TTC28: variants seen among roughly 807,000 people sequenced by gnomAD.
The protein encoded by TTC28 is tetratricopeptide repeat domain 28.
A neutral mutation model predicts 198.0 loss-of-function variants in TTC28; 61 were observed. That is an observed-to-expected ratio of 0.31 (90% CI 0.25 to 0.38). The LOEUF is 0.38. Ranked by LOEUF, TTC28 falls within the 10% of genes least tolerant of loss-of-function variation. The pLI is 1.00. For synonymous variants in TTC28, 1,171 were observed against 1,297.8 expected (o/e 0.90, Z 2.10); for missense variants, 2,678 against 3,164.0 (o/e 0.85, Z 3.69).
chr22:28,567,471 C>CATATATATATATATATATAT (rs1309929878), intron 2 of TTC28, among the ~76,000 whole-genome samples: 2 of 27,102 alleles, frequency 7.4e-5, no homozygotes, highest in African/African-American at 1.0e-4. Context: ...CACGCATATA[C>CATATATATATATATATATAT]ATACATACAT....
In TTC28 at chr22:27,982,818, C is replaced by T; in HGVS notation, c.6849G>A (p.Gln2283=). 2 of 1,540,840 alleles carry T rather than the reference C, an allele frequency of 1.3e-6. No individual in the cohort carries two copies. The highest frequency in any genetic ancestry group is 1.2e-5 in the South Asian group (1 of 82,712). Residue 2283 remains glutamine, a synonymous_variant, in exon 23 of 23, where the codon CAG becomes CAA. Coordinates refer to ENST00000397906, the MANE Select transcript of TTC28 (RefSeq NM_001145418.2). The surrounding 1 kb of genome is among the most constrained non-coding windows in gnomAD (Gnocchi z 5.2). ...GCDSQTSQLD[Q]PLFKLKYPSS... The stretch of plus-strand genomic sequence containing the variant: ...TGGGGTACTTCAGTTTAAAGAGAGG[C>T]TGGTCCAGCTGGGAAGTCTGTGAGT...
At position 28,032,267 on chromosome 22, in the gene TTC28, A is replaced by T. The variant is rs867757468; in HGVS notation, c.3933-1901T>A. 4.6e-4 allele frequency among the ~76,000 whole-genome samples: 36 copies of T among 78,706 alleles called. 1 individual carries two copies. Among genetic ancestry groups the T allele is most frequent in the African/African-American group, 1.8e-3 (28 of 15,824 alleles). The allele number at this position is 78,706 out of a possible 152,430, so 51.6% of individuals were successfully genotyped here. ...ATATATAAAATATATATATATATAT[A>T]GTGTGTGTGTGTGTGTGTGTGTGTG... On this transcript the variant is annotated intron_variant, in intron 12 of 22. Coordinates refer to ENST00000397906, the MANE Select transcript of TTC28 (RefSeq NM_001145418.2).
chr22:28,641,922 G>C (rs1301322367), intron 1 of TTC28, among the ~76,000 whole-genome samples: 1 of 152,076 alleles, frequency 6.6e-6, no homozygotes, highest in African/African-American at 2.4e-5. Flanking sequence ...CTCTAAGAAA[G>C]TATTTCCCAA....
intron 6 of TTC28, among the ~76,000 whole-genome samples, chr22:28,134,100 G>C (rs760670772): frequency 9.2e-5 from 14 of 152,134 alleles, no homozygotes; most frequent in African/African-American, 2.4e-4. Context: ...AGGCAAACAG[G>C]GTCTGGAGTG....
intron 2 of TTC28, among the ~76,000 whole-genome samples, chr22:28,569,731 G>A (rs1443903953): frequency 6.6e-6 from 1 of 152,140 alleles, no homozygotes; most frequent in African/African-American, 2.4e-5. Context: ...AAACTAAGGA[G>A]CTTCTGCACA....
intron 2 of TTC28, among the ~76,000 whole-genome samples, chr22:28,354,727 A>G (rs991447745): frequency 6.6e-6 from 1 of 152,206 alleles, no homozygotes; most frequent in African/African-American, 2.4e-5. Context: ...ACAAGAAAGC[A>G]AGCAGACAGC....
intron 2 of TTC28, among the ~76,000 whole-genome samples, chr22:28,373,566 G>A (rs910976488): frequency 6.6e-6 from 1 of 152,164 alleles, no homozygotes; most frequent in Admixed American, 6.5e-5. Context: ...TTATGAGCAA[G>A]TACCATTTAA....
chr22:28,077,948 A>G (rs1941220988), intron 12 of TTC28, among the ~76,000 whole-genome samples: 1 of 152,198 alleles, frequency 6.6e-6, no homozygotes, highest in South Asian at 2.1e-4. Context: ...CTAGGAGCCC[A>G]GGGAACAATT....
chr22:28,639,200 G>GCTTTA (rs1407136913), intron 1 of TTC28, among the ~76,000 whole-genome samples: 1 of 149,598 alleles, frequency 6.7e-6, no homozygotes, highest in East Asian at 1.9e-4. Context: ...TAAGCACAGG[G>GCTTTA]CTTTGCAAGG....
intron 2 of TTC28, among the ~76,000 whole-genome samples, chr22:28,383,403 C>T (rs575911119): frequency 9.3e-4 from 141 of 152,298 alleles, no homozygotes; most frequent in Admixed American, 3.1e-3. Context: ...TTTGTGATTT[C>T]AGGGTAACTG....
chr22:28,407,864 A>G (rs1414368289), intron 2 of TTC28, among the ~76,000 whole-genome samples: 1 of 152,254 alleles, frequency 6.6e-6, no homozygotes, highest in African/African-American at 2.4e-5. Context: ...ATCTGGCATT[A>G]TGCCAAGTAT....
chr22:28,043,272 A>T (rs1318764266), intron 12 of TTC28, among the ~76,000 whole-genome samples: 2 of 150,682 alleles, frequency 1.3e-5, no homozygotes, highest in Non-Finnish European at 1.5e-5. Context: ...AAAAAAAAGA[A>T]AAGATATTGC....
intron 15 of TTC28, chr22:28,001,030 G>A (rs1374988274): frequency 9.5e-6 from 2 of 210,478 alleles, no homozygotes; most frequent in Non-Finnish European, 9.9e-6. Flanking sequence ...TGGGCATCGT[G>A]TGGATGGTGG....
chr22:28,606,293 G>A (rs1196610447), intron 2 of TTC28, among the ~76,000 whole-genome samples: 1 of 151,910 alleles, frequency 6.6e-6, no homozygotes, highest in East Asian at 1.9e-4. Flanking sequence ...GTTTCACCAT[G>A]TTGGCTGGGC....
intron 2 of TTC28, among the ~76,000 whole-genome samples, chr22:28,533,719 T>C (rs1170269745): frequency 5.3e-5 from 8 of 152,186 alleles, no homozygotes; most frequent in African/African-American, 1.9e-4. Context: ...GAGATATAGA[T>C]CAATGGAACA....
At chr22:28,058,984 C>T (rs1940403509) in intron 12 of TTC28, among the ~76,000 whole-genome samples, 1 of 152,108 alleles carries the variant, frequency 6.6e-6, no homozygotes, top group Non-Finnish European at 1.5e-5. Flanking sequence ...CATGTTCCAT[C>T]TCTTTCCTTA....
intron 2 of TTC28, among the ~76,000 whole-genome samples, chr22:28,451,777 A>T (rs2047781562): frequency 6.6e-6 from 1 of 152,160 alleles, no homozygotes; most frequent in Non-Finnish European, 1.5e-5. Flanking sequence ...AGGTTAATGG[A>T]TTGTAATACC....
At chr22:28,642,116 T>C (rs1028093479) in intron 1 of TTC28, among the ~76,000 whole-genome samples, 1 of 151,644 alleles carries the variant, frequency 6.6e-6, no homozygotes, top group African/African-American at 2.4e-5. Flanking sequence ...TATTAGACCA[T>C]ATTGAGTCAA....
chr22:28,521,607 G>A (rs531783211), intron 2 of TTC28, among the ~76,000 whole-genome samples: 27 of 152,262 alleles, frequency 1.8e-4, no homozygotes, highest in Non-Finnish European at 2.8e-4. Context: ...TCCCCCAGCC[G>A]TAAGATTGCT....
Sources: gnomAD v4.1 joint callset for allele counts (sites outside exome capture counted in the v4.1 genomes callset) on GRCh38, gnomAD v4.1.1 for gene constraint, Gnocchi (gnomAD v3.1) non-coding constraint, MANE v1.5 for transcripts, NCBI Gene and HGNC (gene_info 2026-07-23, HGNC 2026-07-21) for gene names.